The following HAUS6 variants were observed in gnomAD, a reference collection of about 807,000 sequenced individuals.
HAUS6 encodes HAUS augmin-like complex subunit 6.
HAUS6 carries 80 observed loss-of-function variants against 106.8 expected under a neutral mutation model. That is an observed-to-expected ratio of 0.75 (90% confidence interval 0.63 to 0.90). The LOEUF (loss-of-function observed/expected upper bound fraction) is 0.90. Ranked by LOEUF, HAUS6 falls within the 40% of genes least tolerant of loss-of-function variation. The pLI, the probability that HAUS6 is intolerant of heterozygous loss-of-function variation, is 0.00. For synonymous variants in HAUS6, 356 were observed against 379.1 expected, an observed-to-expected ratio of 0.94 and a Z score of 0.71; for missense variants, 1,155 against 1,118.1, an observed-to-expected ratio of 1.03 and a Z score of -0.47.
At chr9:19,074,699 A>T (rs1836955911) in intron 11 of HAUS6, among the ~76,000 whole-genome samples, 2 of 152,118 alleles carry the variant, frequency 1.3e-5, no homozygotes. Context: ...TACCTATCCC[A>T]GTGATTAAGT....
chr9:19,095,806 T>C (rs982579198), intron 2 of HAUS6, among the ~76,000 whole-genome samples: 3 of 152,148 alleles, frequency 2.0e-5, no homozygotes, highest in African/African-American at 4.8e-5. Context: ...GGACTGAGAC[T>C]TGTGGGTGCT....
At chr9:19,096,547 G>A (rs1228781446) in intron 2 of HAUS6, 127 bp downstream of exon 2, 6 of 548,510 alleles carry the variant, frequency 1.1e-5, no homozygotes, top group African/African-American at 4.6e-5. Context: ...CCTCGATGAC[G>A]GAGTGAGACT....
chr9:19,092,783 G>A (rs1189742180), intron 4 of HAUS6, among the ~76,000 whole-genome samples: 1 of 151,630 alleles, frequency 6.6e-6, no homozygotes, highest in Non-Finnish European at 1.5e-5. Context: ...AAATTAGCCA[G>A]TCATGGTGGC....
chr9:19,059,372 A>T (rs1019848548), intron 15 of HAUS6, among the ~76,000 whole-genome samples: 13 of 152,232 alleles, frequency 8.5e-5, no homozygotes. Flanking sequence ...CATTCTGTCA[A>T]CTACTTAACT....
Position 19,053,195 on chromosome 9 carries a change from C to A in HAUS6, c.*3148G>T, listed in dbSNP as rs921063703. 3.0e-4 allele frequency: 46 copies of A among 152,018 alleles called. No individual in the cohort carries two copies. The highest frequency in any genetic ancestry group is 1.1e-3 in the African/African-American group (46 of 41,396). The allele number at this position is 152,018 out of a possible 1,614,324, so 9.4% of individuals were successfully genotyped here. On this transcript the variant is annotated 3_prime_UTR_variant, in exon 17 of 17. Coordinates refer to ENST00000380502, the MANE Select transcript of HAUS6 (RefSeq NM_017645.5). ...AGTATTTAAAACATTTACAGAGAGTCCCATAGAGGATTCTCAAATATTTTA... is the reference window on the plus strand; with the variant it reads ...AGTATTTAAAACATTTACAGAGAGTACCATAGAGGATTCTCAAATATTTTA...
At chr9:19,085,444 A>T (rs943744520) in intron 7 of HAUS6, among the ~76,000 whole-genome samples, 1 of 152,138 alleles carries the variant, frequency 6.6e-6, no homozygotes. Context: ...AATGTCTACG[A>T]GATACCTAGC....
intron 6 of HAUS6, 133 bp from the exon 7 acceptor site, chr9:19,086,915 GATA>G: frequency 3.2e-6 from 2 of 619,138 alleles, no homozygotes; most frequent in South Asian, 2.1e-5. Flanking sequence ...ATCTGAAAGC[GATA>G]ATAATTTATT....
chr9:19,070,820 T>C (rs1418905887), intron 11 of HAUS6, among the ~76,000 whole-genome samples: 1 of 152,252 alleles, frequency 6.6e-6, no homozygotes, highest in Non-Finnish European at 1.5e-5. Flanking sequence ...TGTTATGTTA[T>C]ACTTCTACAG....
intron 7 of HAUS6, among the ~76,000 whole-genome samples, chr9:19,083,975 G>A (rs770270375): frequency 2.7e-4 from 40 of 148,392 alleles, no homozygotes; most frequent in Non-Finnish European, 3.4e-4. Flanking sequence ...ATTTAGGCAC[G>A]CACAGTGGCG....
intron 16 of HAUS6, 29 bp from the exon 17 acceptor site, chr9:19,056,433 C>A (rs1234006406): frequency 1.7e-6 from 2 of 1,188,088 alleles, no homozygotes; most frequent in South Asian, 2.5e-5. Flanking sequence ...AAAGTATAAG[C>A]AAACATTACA....
intron 14 of HAUS6, among the ~76,000 whole-genome samples, chr9:19,061,660 T>A (rs2171955): frequency 6.6e-6 from 1 of 151,738 alleles, no homozygotes; most frequent in Non-Finnish European, 1.5e-5. Flanking sequence ...AAGAGTGAGT[T>A]CCCAACTCTA....
chr9:19,059,222 C>T (rs1836551371), intron 15 of HAUS6, among the ~76,000 whole-genome samples: 1 of 152,182 alleles, frequency 6.6e-6, no homozygotes, highest in South Asian at 2.1e-4. Context: ...GACAGCTGTT[C>T]CTGAAATATG....
chr9:19,100,946 G>A (rs973031075), intron 1 of HAUS6, among the ~76,000 whole-genome samples: 1 of 152,236 alleles, frequency 6.6e-6, no homozygotes, highest in South Asian at 2.1e-4. Flanking sequence ...GAAAAGGAGA[G>A]AAGGAGGGAG....
At chr9:19,082,277 G>A (rs917889330) in intron 8 of HAUS6, among the ~76,000 whole-genome samples, 2 of 152,174 alleles carry the variant, frequency 1.3e-5, no homozygotes, top group Non-Finnish European at 2.9e-5. Context: ...CACTGTTGTT[G>A]CCTTTGAGAA....
chr9:19,071,948 A>G (rs1422330779), intron 11 of HAUS6, among the ~76,000 whole-genome samples: 1 of 152,160 alleles, frequency 6.6e-6, no homozygotes, highest in East Asian at 1.9e-4. Context: ...TCATGCCTGT[A>G]ATCCCAACAC....
At chr9:19,079,160 G>A (rs139448943) in intron 9 of HAUS6, among the ~76,000 whole-genome samples, 1,305 of 117,800 alleles carry the variant, frequency 0.011, 8 homozygotes, top group Non-Finnish European at 0.017. Flanking sequence ...GGGAAATGCC[G>A]TCTCAAAAAA....
intron 4 of HAUS6, among the ~76,000 whole-genome samples, chr9:19,089,893 C>T (rs1043128928): frequency 6.6e-6 from 1 of 152,104 alleles, no homozygotes; most frequent in Non-Finnish European, 1.5e-5. Flanking sequence ...AGTGCAGTGG[C>T]ACAAGCATAG....
chr9:19,087,839 C>A (rs1195108348), intron 5 of HAUS6, among the ~76,000 whole-genome samples: 2 of 108,324 alleles, frequency 1.8e-5, no homozygotes, highest in South Asian at 3.4e-4. Flanking sequence ...AGAGCAAGAC[C>A]TTGTCTCAAA....
chr9:19,083,710 A>G (rs1588617805), intron 7 of HAUS6, among the ~76,000 whole-genome samples: 3 of 151,812 alleles, frequency 2.0e-5, no homozygotes, highest in African/African-American at 7.2e-5. Flanking sequence ...GCTGAGGCAG[A>G]AGAATGGTGT....
Sources: gnomAD v4.1 joint callset for allele counts (sites outside exome capture counted in the v4.1 genomes callset) on GRCh38, gnomAD v4.1.1 for gene constraint, MANE v1.5 for transcripts, NCBI Gene and HGNC (gene_info 2026-07-23, HGNC 2026-07-21) for gene names.